RIOK3: variants seen among roughly 807,000 people sequenced by gnomAD.
RIOK3 encodes the protein serine/threonine-protein kinase RIO3.
A neutral mutation model predicts 63.5 loss-of-function variants in RIOK3; 40 were observed. That is an observed-to-expected ratio of 0.63 (90% CI 0.49 to 0.82). RIOK3 has a LOEUF of 0.82. Among genes scored for constraint, RIOK3 ranks in the 40% least tolerant of loss-of-function variants. The pLI is 0.00. For synonymous variants in RIOK3, 193 were observed against 205.0 expected (o/e 0.94, Z 0.50); for missense variants, 557 against 637.0 (o/e 0.87, Z 1.35).
intron 7 of RIOK3, among the ~76,000 whole-genome samples, chr18:23,469,886 A>AT (rs994515085): frequency 5.9e-5 from 9 of 152,118 alleles, no homozygotes; most frequent in African/African-American, 1.4e-4. Context: ...TATAAGACAT[A>AT]TTTTTTACTC....
In RIOK3 at chr18:23,464,235, G is replaced by A. The variant is rs1455881700; in HGVS notation, c.355G>A (p.Val119Met). Residue 119 changes from valine to methionine, a missense_variant, in exon 4 of 13, where the codon GTG becomes ATG. Val to Met is a conservative substitution (Grantham distance 21, BLOSUM62 1). Transcript: ENST00000339486. ...CATTTCCTTTGAAAATTATCGAAAAGTGCATCCTTATGAAGACAGCGATAG... is the reference window on the plus strand; with the variant it reads ...CATTTCCTTTGAAAATTATCGAAAAATGCATCCTTATGAAGACAGCGATAG... The part of the protein sequence containing the change: ...VSISFENYRK[V>M]HPYEDSDSSE... 3 of 1,613,732 alleles carry A rather than the reference G, an allele frequency of 1.9e-6. No homozygotes were observed. Among genetic ancestry groups the A allele is most frequent in the African/African-American group, 2.7e-5 (2 of 74,910 alleles).
intron 6 of RIOK3, among the ~76,000 whole-genome samples, chr18:23,466,495 C>G (rs568491012): frequency 6.6e-6 from 1 of 151,806 alleles, no homozygotes; most frequent in South Asian, 2.1e-4. Flanking sequence ...CCTAGGAGTG[C>G]AAGAACAGCC....
intron 5 of RIOK3, 67 bp downstream of exon 5, chr18:23,464,695 T>C (rs1187303272): frequency 2.2e-6 from 2 of 893,384 alleles, no homozygotes; most frequent in African/African-American, 1.7e-5. Context: ...AAAACAGGAT[T>C]CTAAATATAA....
At position 23,482,224 on chromosome 18, in the gene RIOK3, TG is replaced by T; in HGVS notation, c.*950del. On this transcript the variant is annotated 3_prime_UTR_variant, in exon 13 of 13. Coordinates refer to ENST00000339486, the MANE Select transcript of RIOK3 (RefSeq NM_003831.5). ...GATGAAAGGTATATATAAAACAATT[TG>T]GGGGCCAGGCACGATGGCTCAAACC... 6.6e-6 allele frequency: 1 copy of T among 152,184 alleles called. No individual in the cohort carries two copies. The highest frequency in any genetic ancestry group is 2.4e-5 in the African/African-American group (1 of 41,544). The allele number at this position is 152,184 out of a possible 1,614,324, so 9.4% of individuals were successfully genotyped here.
chr18:23,470,364 CAA>C (rs761666919), intron 7 of RIOK3, among the ~76,000 whole-genome samples: 2 of 108,826 alleles, frequency 1.8e-5, no homozygotes, highest in African/African-American at 3.5e-5. Flanking sequence ...GATTCCGTCT[CAA>C]AAAAAAAAAA....
chr18:23,464,909 A>C, intron 5 of RIOK3, among the ~76,000 whole-genome samples: 1 of 152,222 alleles, frequency 6.6e-6, no homozygotes, highest in African/African-American at 2.4e-5. Flanking sequence ...TCTTCATCAT[A>C]TCTCTATAAA....
intron 1 of RIOK3, among the ~76,000 whole-genome samples, chr18:23,459,460 T>C (rs766086180): frequency 6.6e-6 from 1 of 152,210 alleles, no homozygotes; most frequent in Non-Finnish European, 1.5e-5. Flanking sequence ...CATGCTCCAT[T>C]GTGGCTAATG....
chr18:23,470,823 T>C (rs2057451704), intron 7 of RIOK3, among the ~76,000 whole-genome samples: 1 of 152,196 alleles, frequency 6.6e-6, no homozygotes, highest in South Asian at 2.1e-4. Context: ...ATCTTATAAA[T>C]TGGACTCTAT....
At chr18:23,463,762 C>T (rs1475477133) in intron 2 of RIOK3, among the ~76,000 whole-genome samples, 1 of 152,108 alleles carries the variant, frequency 6.6e-6, no homozygotes, top group Admixed American at 6.6e-5. Flanking sequence ...GCTTTCTCTC[C>T]CAGTTCTCTT....
Position 23,467,414 on chromosome 18 carries a change from C to G in RIOK3, c.703C>G (p.Pro235Ala), listed in dbSNP as rs1330366732. The G allele has an allele frequency of 6.2e-7, 1 of 1,612,314 alleles. No individual in the cohort carries two copies. The change falls in exon 7 of 13, where the codon CCT becomes GCT. Residue 235 changes from proline (P) to alanine (A), a missense_variant. This residue lies in a region of RIOK3 where 5 missense variants were observed against 22.8 expected (regional missense o/e 0.22). Transcript: ENST00000339486. ...TCTCTTGCAGGAAAAAGCAGTTGATCCTAAGACACGTTTACTTATGTATAA... is the reference window on the plus strand; with the variant it reads ...TCTCTTGCAGGAAAAAGCAGTTGATGCTAAGACACGTTTACTTATGTATAA... The part of the protein sequence containing the change: ...EHSTAEKAVD[P>A]KTRLLMYKMV...
chr18:23,470,061 TATC>T (rs1406029557), intron 7 of RIOK3, among the ~76,000 whole-genome samples: 1 of 152,044 alleles, frequency 6.6e-6, no homozygotes, highest in Admixed American at 6.6e-5. Context: ...TCAGGGAAGA[TATC>T]ATAATGAAGT....
At chr18:23,463,861 C>T in intron 2 of RIOK3, 106 bp from the exon 3 acceptor site, 1 of 941,438 alleles carries the variant, frequency 1.1e-6, no homozygotes, top group South Asian at 1.6e-5. Context: ...GAGTTCTTTC[C>T]CATTGTTCAA....
chr18:23,478,987 T>A (rs776099678), intron 11 of RIOK3: 27 of 247,116 alleles, frequency 1.1e-4, no homozygotes, highest in Non-Finnish European at 2.1e-4. Context: ...ATAGTCCAGC[T>A]TGGAAGCAGG....
chr18:23,464,113 G>A lies in RIOK3; in HGVS notation c.325+1G>A, dbSNP rs2057389925. The A allele has an allele frequency of 6.2e-7, 1 of 1,610,254 alleles. No homozygotes were observed. Among genetic ancestry groups the A allele is most frequent in the Non-Finnish European group, 8.5e-7 (1 of 1,178,360 alleles). ...AAAAAATTCAATGGAGATAGCAAAG[G>A]TATTATAACCTTATTGTGACAACTT... On this transcript the variant is annotated splice_donor_variant, in intron 3 of 12. Coordinates refer to ENST00000339486, the MANE Select transcript of RIOK3 (RefSeq NM_003831.5). LOFTEE classifies it high-confidence loss of function.
intron 5 of RIOK3, among the ~76,000 whole-genome samples, chr18:23,465,595 C>T (rs2145680719): frequency 6.6e-6 from 1 of 151,758 alleles, no homozygotes; most frequent in South Asian, 2.1e-4. Context: ...ATATGGTAGC[C>T]ACATTTGCTG....
rs1160301746 is a variant in RIOK3, at chr18:23,473,563, G to A, written c.950G>A (p.Ser317Asn). ...KDDFRFKDRF[S>N]KLNPRKIIRM... ...GATTTCAGGTTTAAAGATCGCTTCA[G>A]TAAACTAAATCCACGTAAGATCATC... Residue 317 changes from serine (S) to asparagine (N), a missense_variant, in exon 8 of 13, where the codon AGT becomes AAT. Coordinates refer to ENST00000339486, the MANE Select transcript of RIOK3 (RefSeq NM_003831.5). 3 of 1,613,660 alleles carry A rather than the reference G, an allele frequency of 1.9e-6. No individual in the cohort carries two copies. The highest frequency in any genetic ancestry group is 1.7e-4 in the Middle Eastern group (1 of 6,056).
intron 2 of RIOK3, among the ~76,000 whole-genome samples, chr18:23,463,645 A>G (rs1231998128): frequency 3.9e-5 from 6 of 151,974 alleles, no homozygotes. Flanking sequence ...CTGACCTCAG[A>G]TGATCCGCCA....
At chr18:23,459,615 G>C (rs1163478657) in intron 1 of RIOK3, among the ~76,000 whole-genome samples, 3 of 152,200 alleles carry the variant, frequency 2.0e-5, no homozygotes, top group Non-Finnish European at 4.4e-5. Flanking sequence ...AAAGAAGGAA[G>C]AAAAACCAAT....
Position 23,464,238 on chromosome 18 carries a change from C to T in RIOK3, c.358C>T (p.His120Tyr). 1 of 1,613,986 alleles carries T rather than the reference C, an allele frequency of 6.2e-7. No individual in the cohort carries two copies. The highest frequency in any genetic ancestry group is 8.5e-7 in the Non-Finnish European group (1 of 1,179,890). ...SISFENYRKV[H>Y]PYEDSDSSED... ...TTCCTTTGAAAATTATCGAAAAGTG[C>T]ATCCTTATGAAGACAGCGATAGCTC... The change falls in exon 4 of 13, where the codon CAT (histidine) becomes TAT (tyrosine). Residue 120 changes from histidine (H) to tyrosine (Y), a missense_variant. Around this residue, in one of 3 missense-constraint regions of RIOK3, gnomAD observed 243 missense variants for 275.4 expected, o/e 0.88. Transcript: ENST00000339486.
Sources: gnomAD v4.1 joint callset for allele counts (sites outside exome capture counted in the v4.1 genomes callset) on GRCh38, gnomAD v4.1.1 for gene constraint, gnomAD v4.1.1 regional missense constraint, MANE v1.5 for transcripts, NCBI Gene and HGNC (gene_info 2026-07-23, HGNC 2026-07-21) for gene names.